GRIA3: variants seen among roughly 807,000 people sequenced by gnomAD.
GRIA3 encodes the protein glutamate receptor 3.
In GRIA3, 3 loss-of-function variants were observed where a neutral mutation model predicts 63.0. The observed-to-expected ratio is 0.05, with a 90% CI of 0.02 to 0.12. GRIA3 has a LOEUF of 0.12. GRIA3 is among the 10% of genes least tolerant of loss of function. The pLI is 1.00. For missense variants in GRIA3, 347 were observed against 700.9 expected (o/e 0.50, Z 5.70); for synonymous variants, 274 against 257.9 (o/e 1.06, Z -0.60).
chrX:123,207,165 C>CA (rs10710717), intron 2 of GRIA3, among the ~76,000 whole-genome samples: 415 of 98,219 alleles, frequency 4.2e-3, no homozygotes, highest in Non-Finnish European at 6.5e-3. Context: ...TTATAATTTG[C>CA]AAAAAAAAAA....
intron 3 of GRIA3, among the ~76,000 whole-genome samples, chrX:123,265,935 C>T (rs1381559353): frequency 9.0e-6 from 1 of 110,948 alleles, no homozygotes; most frequent in Non-Finnish European, 1.9e-5. Context: ...GATCTCCAAG[C>T]CAGGGGCTGA....
At chrX:123,237,138 T>C (rs1343071517) in intron 2 of GRIA3, among the ~76,000 whole-genome samples, 1 of 111,555 alleles carries the variant, frequency 9.0e-6, no homozygotes, top group Non-Finnish European at 1.9e-5. Flanking sequence ...ATTTAGAGAA[T>C]GGCATTCCAG....
intron 2 of GRIA3, among the ~76,000 whole-genome samples, chrX:123,187,721 TC>T (rs1232923077): frequency 7.2e-4 from 81 of 112,251 alleles, no homozygotes; most frequent in African/African-American, 2.2e-3. Context: ...ATTTGGTTTC[TC>T]AGAAATGATT....
chrX:123,184,708 A>C, intron 1 of GRIA3, 64 bp downstream of exon 1: 1 of 710,831 alleles, frequency 1.4e-6, no homozygotes, highest in Non-Finnish European at 2.1e-6. Context: ...TGCCCCGGCA[A>C]GGCTTTCCCT....
At chrX:123,309,288 A>T (rs2044774615) in intron 3 of GRIA3, among the ~76,000 whole-genome samples, 1 of 108,723 alleles carries the variant, frequency 9.2e-6, no homozygotes, top group African/African-American at 3.4e-5. Context: ...TGGAGGTTGA[A>T]CCTGGGAGGT....
chrX:123,317,200 T>C (rs1036989351), intron 3 of GRIA3, among the ~76,000 whole-genome samples: 4 of 111,450 alleles, frequency 3.6e-5, no homozygotes, highest in African/African-American at 1.3e-4. Flanking sequence ...TTAACTCCCC[T>C]GGGCCCCTCC....
intron 5 of GRIA3, among the ~76,000 whole-genome samples, chrX:123,373,029 C>T (rs1253564260): frequency 9.2e-6 from 1 of 109,060 alleles, no homozygotes; most frequent in Non-Finnish European, 1.9e-5. Flanking sequence ...CCCCACCCCA[C>T]AACAGGCCCC....
intron 2 of GRIA3, among the ~76,000 whole-genome samples, chrX:123,187,217 AG>A (rs1264354242): frequency 8.9e-6 from 1 of 111,784 alleles, no homozygotes; most frequent in African/African-American, 3.3e-5. Context: ...AACCACTGAA[AG>A]GGTCTCTCCA....
At chrX:123,435,613 A>G (rs1388320608) in intron 12 of GRIA3, among the ~76,000 whole-genome samples, 1 of 112,149 alleles carries the variant, frequency 8.9e-6, no homozygotes, top group East Asian at 2.8e-4. Flanking sequence ...GCCTACTTTT[A>G]AAAGACACTT....
At chrX:123,187,182 C>T (rs1046532275) in intron 2 of GRIA3, among the ~76,000 whole-genome samples, 1 of 111,740 alleles carries the variant, frequency 8.9e-6, no homozygotes, top group Admixed American at 9.5e-5. Context: ...AATCCTTCTG[C>T]CTCAAAGGAT....
rs750934262 is a variant in GRIA3 at position 123,420,106 on chromosome X, GT to G, written c.1877+2332del. Among the ~76,000 whole-genome samples the G allele has an allele frequency of 2.1e-3, 235 of 111,818 alleles. 1 individual carries two copies. The highest frequency in any genetic ancestry group is 7.4e-3 in the African/African-American group (227 of 30,870). ...ATATTTTGAGACAAAAAAGCTGTAG[GT>G]TTTGGTAAACTTGAACATTAATCCA... On this transcript the variant is annotated intron_variant, in intron 11 of 15. Transcript: ENST00000620443.
At position 123,208,740 on chromosome X, in the gene GRIA3, T is replaced by C. The variant is rs760605315; in HGVS notation, c.268+22750T>C. ...ACTCCCTTTCTCCAAACACAGCTAG[T>C]CTAAGTAGTGGGACATGTCTGTTTT... On this transcript the variant is annotated intron_variant, in intron 2 of 15. Coordinates refer to ENST00000620443, the MANE Select transcript of GRIA3 (RefSeq NM_007325.5). Among the ~76,000 whole-genome samples, 21 of 112,030 alleles carry C rather than the reference T, an allele frequency of 1.9e-4. No individual in the cohort carries two copies. In the East Asian group the frequency reaches 4.5e-3, roughly 24 times the overall value.
chrX:123,353,188 C>T (rs1272931256), intron 4 of GRIA3, among the ~76,000 whole-genome samples: 1 of 111,799 alleles, frequency 8.9e-6, no homozygotes, highest in Non-Finnish European at 1.9e-5. Flanking sequence ...ATGAAGCCTT[C>T]CCTGTTCATA....
At chrX:123,268,833 T>C (rs904563996) in intron 3 of GRIA3, among the ~76,000 whole-genome samples, 2 of 112,237 alleles carry the variant, frequency 1.8e-5, no homozygotes, top group African/African-American at 6.5e-5. Context: ...AATTCTTTTA[T>C]CTGCATAATG....
At chrX:123,295,544 G>A (rs1405026313) in intron 3 of GRIA3, among the ~76,000 whole-genome samples, 1 of 110,922 alleles carries the variant, frequency 9.0e-6, no homozygotes, top group African/African-American at 3.3e-5. Flanking sequence ...TTACTGAGTT[G>A]GATATTTAAA....
chrX:123,425,589 C>T (rs931496942), intron 11 of GRIA3, among the ~76,000 whole-genome samples: 3 of 112,033 alleles, frequency 2.7e-5, no homozygotes, highest in African/African-American at 6.5e-5. Context: ...GGTCTAAATG[C>T]ATAATCAAAA....
chrX:123,470,447 G>A (rs1365152556), intron 13 of GRIA3, among the ~76,000 whole-genome samples: 1 of 111,770 alleles, frequency 8.9e-6, no homozygotes, highest in Non-Finnish European at 1.9e-5. Flanking sequence ...TTTCACATGG[G>A]TGCTCTTAAG....
At chrX:123,428,556 G>A (rs2045601831) in intron 12 of GRIA3, among the ~76,000 whole-genome samples, 3 of 111,895 alleles carry the variant, frequency 2.7e-5, no homozygotes, top group Non-Finnish European at 5.6e-5. Context: ...TTAGGCAATT[G>A]ACTCTAAGAC....
At chrX:123,431,888 CAT>C (rs929259071) in intron 12 of GRIA3, among the ~76,000 whole-genome samples, 1 of 111,835 alleles carries the variant, frequency 8.9e-6, no homozygotes, top group African/African-American at 3.2e-5. Context: ...AATCATATAA[CAT>C]AGTATTCTCT....
Sources: gnomAD v4.1 joint callset for allele counts (sites outside exome capture counted in the v4.1 genomes callset) on GRCh38, gnomAD v4.1.1 for gene constraint, MANE v1.5 for transcripts, NCBI Gene and HGNC (gene_info 2026-07-23, HGNC 2026-07-21) for gene names.